Variants in TMC2 observed in about 807,000 individuals in gnomAD.
TMC2 encodes the protein transmembrane channel like 2.
TMC2 carries 102 observed loss-of-function variants against 105.9 expected under a neutral mutation model. The observed-to-expected ratio is 0.96, with a 90% CI of 0.82 to 1.14. TMC2 has a LOEUF of 1.14. TMC2 is among the 50% of genes most tolerant of loss of function. The pLI is 0.00. For synonymous variants in TMC2, 402 were observed against 422.8 expected (o/e 0.95, Z 0.60); for missense variants, 1,093 against 1,134.3 (o/e 0.96, Z 0.52).
intron 2 of TMC2, among the ~76,000 whole-genome samples, chr20:2,554,812 C>T (rs1348969789): frequency 6.6e-6 from 1 of 152,092 alleles, no homozygotes; most frequent in Admixed American, 6.5e-5. Context: ...TGTATGATAT[C>T]TATTGTCTTA....
chr20:2,574,352 A>G (rs1416637370), intron 5 of TMC2, among the ~76,000 whole-genome samples: 2 of 152,240 alleles, frequency 1.3e-5, no homozygotes, highest in African/African-American at 4.8e-5. Flanking sequence ...AAGTGTATGC[A>G]TGTGCAGTAT....
rs543899137 is a variant in TMC2, at chr20:2,568,735, A to G, written c.555-3444A>G. On this transcript the variant is annotated intron_variant, in intron 4 of 19. Transcript: ENST00000358864. ...TGGTATTGGTGTTCACTGATAAGTC[A>G]CTGGCAGGACATCTCCTGCCAAGGG... Among the ~76,000 whole-genome samples the G allele has an allele frequency of 7.2e-4, 110 of 152,282 alleles. 1 individual carries two copies. The highest frequency in any genetic ancestry group is 2.6e-3 in the African/African-American group (107 of 41,554).
chr20:2,580,036 G>T lies in TMC2; in HGVS notation c.814G>T (p.Gly272Cys), dbSNP rs2086178441. ...CCTTGTCCTTTTTGGCTTAATATTTGGTCTAGTCATAATCCCAGAGGTAAG... is the reference window on the plus strand; with the variant it reads ...CCTTGTCCTTTTTGGCTTAATATTTTGTCTAGTCATAATCCCAGAGGTAAG... Reference protein sequence around the residue: ...VNLVLFGLIFGLVIIPEVLMG... With the variant: ...VNLVLFGLIFCLVIIPEVLMG... The change falls in exon 7 of 20, where the codon GGT (glycine) becomes TGT (cysteine). Residue 272 changes from glycine (G) to cysteine (C), a missense_variant. Transcript: ENST00000358864. The T allele has an allele frequency of 1.2e-6, 2 of 1,611,694 alleles. No individual in the cohort carries two copies. Among genetic ancestry groups the T allele is most frequent in the Non-Finnish European group, 1.7e-6 (2 of 1,178,158 alleles).
intron 2 of TMC2, among the ~76,000 whole-genome samples, chr20:2,550,419 G>C (rs36096745): frequency 0.19 from 29,322 of 151,942 alleles, 2,911 homozygotes; most frequent in African/African-American, 0.22. Flanking sequence ...TCCCCTCACC[G>C]AATGTTTCTC....
chr20:2,536,979 C>T (rs1334022480), intron 1 of TMC2, among the ~76,000 whole-genome samples: 1 of 152,174 alleles, frequency 6.6e-6, no homozygotes, highest in Admixed American at 6.5e-5. Flanking sequence ...TCTCAGCCAC[C>T]TATTGTCTCG....
intron 17 of TMC2, among the ~76,000 whole-genome samples, chr20:2,627,120 T>C (rs2086570239): frequency 1.3e-5 from 2 of 152,206 alleles, no homozygotes; most frequent in African/African-American, 4.8e-5. Context: ...GACATAGTTG[T>C]CAGCTTGCCA....
chr20:2,604,359 T>C (rs1411992540), intron 11 of TMC2, among the ~76,000 whole-genome samples: 7 of 152,252 alleles, frequency 4.6e-5, no homozygotes, highest in Non-Finnish European at 1.0e-4. Flanking sequence ...GTCCATTATA[T>C]ACATGCTTAT....
chr20:2,573,621 C>T (rs1451550017), intron 5 of TMC2, among the ~76,000 whole-genome samples: 1 of 139,928 alleles, frequency 7.1e-6, no homozygotes, highest in Non-Finnish European at 1.5e-5. Context: ...AATGCGGTGG[C>T]GCGACCTCGG....
At position 2,627,402 on chromosome 20, in the gene TMC2, A is replaced by G. The variant is rs540457604; in HGVS notation, c.2306+3006A>G. Among the ~76,000 whole-genome samples the G allele has an allele frequency of 2.6e-5, 4 of 152,312 alleles. No individual in the cohort carries two copies. The East Asian group carries it at 7.7e-4, about 29-fold the overall frequency. ...CCTGAAGCAATTGAAGAATTGGTCA[A>G]TCATTTGAGGGCAATTTGTACACAG... is the stretch of plus-strand genomic sequence containing the variant. On this transcript the variant is annotated intron_variant, in intron 17 of 19. Coordinates refer to ENST00000358864, the MANE Select transcript of TMC2 (RefSeq NM_080751.3).
At chr20:2,564,402 G>T (rs1057159647) in intron 4 of TMC2, among the ~76,000 whole-genome samples, 3 of 151,868 alleles carry the variant, frequency 2.0e-5, no homozygotes, top group Admixed American at 1.3e-4. Flanking sequence ...CGCCCGCCTC[G>T]GCCTCCCAAA....
At chr20:2,619,960 T>TCC (rs2086513097) in intron 16 of TMC2, among the ~76,000 whole-genome samples, 2 of 152,250 alleles carry the variant, frequency 1.3e-5, no homozygotes, top group Non-Finnish European at 2.9e-5. Context: ...GTGCCTGTAG[T>TCC]CCCAGCTACT....
At chr20:2,536,943 C>A (rs544433168) in intron 1 of TMC2, among the ~76,000 whole-genome samples, 1 of 152,160 alleles carries the variant, frequency 6.6e-6, no homozygotes, top group African/African-American at 2.4e-5. Flanking sequence ...ACGGCCGATG[C>A]ATGCTCCTCA....
At chr20:2,548,386 C>T (rs2085936885) in intron 2 of TMC2, among the ~76,000 whole-genome samples, 1 of 152,170 alleles carries the variant, frequency 6.6e-6, no homozygotes. Flanking sequence ...TGCCTCTAAT[C>T]CCAGCACTTT....
intron 5 of TMC2, among the ~76,000 whole-genome samples, 185 bp from the exon 6 acceptor site, chr20:2,578,961 A>G (rs1274257180): frequency 6.6e-6 from 1 of 152,168 alleles, no homozygotes; most frequent in African/African-American, 2.4e-5. Context: ...TGGGGAAGTA[A>G]AGGTTTGAAC....
At chr20:2,572,339 G>A (rs949578383) in intron 5 of TMC2, 70 bp downstream of exon 5, 43 of 1,226,958 alleles carry the variant, frequency 3.5e-5, no homozygotes, top group Non-Finnish European at 5.0e-5. Context: ...GACCAACTTC[G>A]GCAACTGCCC....
chr20:2,620,462 C>A (rs545786604), intron 16 of TMC2, among the ~76,000 whole-genome samples: 1 of 152,306 alleles, frequency 6.6e-6, no homozygotes, highest in South Asian at 2.1e-4. Flanking sequence ...CCTCAACCAT[C>A]ACATCAGAAG....
At position 2,642,723 on chromosome 20, in the gene TMC2, A is replaced by G. The variant is rs2086697420; in HGVS notation, c.*1372A>G. Among the ~76,000 whole-genome samples, 1 of 152,160 alleles carries G rather than the reference A, an allele frequency of 6.6e-6. No homozygotes were observed. ...TCCAGGACTCTGCAACAGCCCAGCT[A>G]TCTTGCACACAGCTCCTTCCTTTCC... On this transcript the variant is annotated 3_prime_UTR_variant, in exon 20 of 20. Coordinates refer to ENST00000358864, the MANE Select transcript of TMC2 (RefSeq NM_080751.3).
At chr20:2,638,047 A>G (rs572319191) in intron 19 of TMC2, among the ~76,000 whole-genome samples, 123 of 152,232 alleles carry the variant, frequency 8.1e-4, no homozygotes, top group Non-Finnish European at 1.6e-3. Flanking sequence ...GCTGCCAGTT[A>G]TATAAAAGTC....
At chr20:2,617,476 A>G in intron 16 of TMC2, 165 bp downstream of exon 16, 3 of 925,552 alleles carry the variant, frequency 3.2e-6, no homozygotes, top group East Asian at 5.3e-5. Flanking sequence ...CAGGATGGAA[A>G]TGTTAGGTCG....
Sources: gnomAD v4.1 joint callset for allele counts (sites outside exome capture counted in the v4.1 genomes callset) on GRCh38, gnomAD v4.1.1 for gene constraint, MANE v1.5 for transcripts, NCBI Gene and HGNC (gene_info 2026-07-23, HGNC 2026-07-21) for gene names.